Variants in CCDC91 observed in about 807,000 individuals in gnomAD.
CCDC91 encodes the protein coiled-coil domain containing 91, also known as coiled-coil domain-containing protein 91.
A neutral mutation model predicts 63.2 loss-of-function variants in CCDC91; 48 were observed. The observed-to-expected ratio is 0.76, with a 90% CI of 0.60 to 0.97. The LOEUF (loss-of-function observed/expected upper bound fraction) is 0.97. Ranked by LOEUF, CCDC91 falls within the 50% of genes least tolerant of loss-of-function variation. The pLI, the probability that CCDC91 is intolerant of heterozygous loss-of-function variation, is 0.00. For missense variants in CCDC91, 500 were observed against 494.6 expected, an observed-to-expected ratio of 1.01 and a Z score of -0.10; for synonymous variants, 167 against 165.8, an observed-to-expected ratio of 1.01 and a Z score of -0.06.
chr12:28,406,895 T>C (rs1946988425), intron 8 of CCDC91, among the ~76,000 whole-genome samples: 1 of 152,146 alleles, frequency 6.6e-6, no homozygotes, highest in Non-Finnish European at 1.5e-5. Flanking sequence ...CTTTTGTACA[T>C]GACATGGTTT....
rs529535486 is a variant in CCDC91, at chr12:28,393,025, T to G, written c.762+1614T>G. Reference sequence around the variant, plus strand: ...AACTTTAAAATCTCACTGGATAGATTAAATAAGAGCCTCTGCCCACGAGTA... The same window carrying G: ...AACTTTAAAATCTCACTGGATAGATGAAATAAGAGCCTCTGCCCACGAGTA... On this transcript the variant is annotated intron_variant, in intron 8 of 12. Coordinates refer to ENST00000536442, the MANE Select transcript of CCDC91 (RefSeq NM_018318.5). Among the ~76,000 whole-genome samples, 5 of 152,350 alleles carry G rather than the reference T, an allele frequency of 3.3e-5. No homozygotes were observed. In the East Asian group the frequency reaches 5.8e-4, roughly 18 times the overall value.
At position 28,335,799 on chromosome 12, in the gene CCDC91, T is replaced by C. The variant is rs535301009; in HGVS notation, c.577-26639T>C. On this transcript the variant is annotated intron_variant, in intron 6 of 12. Coordinates refer to ENST00000536442, the MANE Select transcript of CCDC91 (RefSeq NM_018318.5). ...GGCAAACATTCTTATCTCCCCTTTT[T>C]TTCTCATTATTTTTGTCTTTTTAGA... Among the ~76,000 whole-genome samples the C allele has an allele frequency of 8.3e-4, 126 of 152,268 alleles. 3 individuals are homozygous for C. Among genetic ancestry groups the C allele is most frequent in the African/African-American group, 2.9e-3 (119 of 41,558 alleles).
At chr12:28,343,471 C>T (rs1592370103) in intron 6 of CCDC91, among the ~76,000 whole-genome samples, 1 of 152,068 alleles carries the variant, frequency 6.6e-6, no homozygotes, top group East Asian at 1.9e-4. Flanking sequence ...TTCAGGTCAC[C>T]TCACCTTTTA....
At chr12:28,387,161 G>A (rs1447126205) in intron 7 of CCDC91, among the ~76,000 whole-genome samples, 1 of 152,162 alleles carries the variant, frequency 6.6e-6, no homozygotes, top group African/African-American at 2.4e-5. Context: ...GTATCAATGT[G>A]TATTTGTATA....
At chr12:28,502,738 T>G (rs984678768) in intron 12 of CCDC91, among the ~76,000 whole-genome samples, 1 of 151,070 alleles carries the variant, frequency 6.6e-6, no homozygotes, top group African/African-American at 2.4e-5. Flanking sequence ...AACAGAGATA[T>G]AGATCAATGG....
chr12:28,286,171 A>G (rs1368048463), intron 3 of CCDC91, among the ~76,000 whole-genome samples: 1 of 151,192 alleles, frequency 6.6e-6, no homozygotes, highest in Non-Finnish European at 1.5e-5. Flanking sequence ...TTTTTTTCTT[A>G]TCTAAGTTAT....
At chr12:28,463,180 A>G (rs9805012) in intron 11 of CCDC91, among the ~76,000 whole-genome samples, 5 of 152,224 alleles carry the variant, frequency 3.3e-5, no homozygotes, top group African/African-American at 9.6e-5. Context: ...AGATCGAGTG[A>G]AATATTACAA....
chr12:28,297,333 C>T (rs1336511487), intron 3 of CCDC91, among the ~76,000 whole-genome samples: 4 of 151,884 alleles, frequency 2.6e-5, no homozygotes, highest in South Asian at 4.1e-4. Context: ...CTTGGTGCTC[C>T]TTCGCCTGTG....
chr12:28,319,731 T>C (rs1940286128), intron 6 of CCDC91, among the ~76,000 whole-genome samples: 1 of 151,650 alleles, frequency 6.6e-6, no homozygotes, highest in Admixed American at 6.6e-5. Context: ...CTATATATGT[T>C]CAAGGTTAGT....
intron 11 of CCDC91, among the ~76,000 whole-genome samples, chr12:28,482,148 TA>T (rs1391726978): frequency 6.6e-6 from 1 of 151,948 alleles, no homozygotes; most frequent in East Asian, 1.9e-4. Flanking sequence ...ACTACAGAAG[TA>T]TTAACATGTT....
intron 8 of CCDC91, among the ~76,000 whole-genome samples, chr12:28,434,105 A>AT (rs975807969): frequency 4.6e-5 from 7 of 151,388 alleles, no homozygotes; most frequent in African/African-American, 1.5e-4. Context: ...ATTCTTTGGG[A>AT]TTTTTTATAT....
intron 6 of CCDC91, among the ~76,000 whole-genome samples, chr12:28,334,129 GT>G (rs978599071): frequency 2.0e-5 from 3 of 151,830 alleles, no homozygotes; most frequent in Non-Finnish European, 2.9e-5. Context: ...GGGTTTATGA[GT>G]TTTATTTGTT....
intron 1 of CCDC91, among the ~76,000 whole-genome samples, chr12:28,215,412 T>C (rs574762003): frequency 3.9e-5 from 6 of 152,164 alleles, no homozygotes; most frequent in Non-Finnish European, 5.9e-5. Context: ...CTGATTAATA[T>C]GCTTACCAAA....
Position 28,289,893 on chromosome 12 carries a change from C to T in CCDC91, c.110-15756C>T, listed in dbSNP as rs184940311. Among the ~76,000 whole-genome samples, 52 of 151,776 alleles carry T rather than the reference C, an allele frequency of 3.4e-4. No individual in the cohort carries two copies. The East Asian group carries it at 9.1e-3, about 27-fold the overall frequency. On this transcript the variant is annotated intron_variant, in intron 3 of 12. Transcript: ENST00000536442. ...TTTTTTATTAGAGACAGGGTTTCACCGTGTTAGCCAGGATGGTCTCGATCT... is the reference window on the plus strand; with the variant it reads ...TTTTTTATTAGAGACAGGGTTTCACTGTGTTAGCCAGGATGGTCTCGATCT...
chr12:28,390,875 G>A (rs190345404), intron 7 of CCDC91, among the ~76,000 whole-genome samples: 266 of 151,888 alleles, frequency 1.8e-3, no homozygotes, highest in Middle Eastern at 3.4e-3. Context: ...GTGCCGAGAG[G>A]ATGTGGAGTT....
At chr12:28,450,328 C>CT in intron 9 of CCDC91, 22 bp from the exon 10 acceptor site, 1 of 1,605,382 alleles carries the variant, frequency 6.2e-7, no homozygotes, top group Non-Finnish European at 8.5e-7. Flanking sequence ...AATGTCTTTC[C>CT]AACTGTTTTA....
chr12:28,525,942 G>A (rs528547541), intron 12 of CCDC91, among the ~76,000 whole-genome samples: 57 of 152,148 alleles, frequency 3.7e-4, no homozygotes, highest in African/African-American at 1.3e-3. Context: ...CCATTTGCAT[G>A]GAATGTTGTT....
chr12:28,235,718 A>G (rs1034727774), intron 1 of CCDC91, among the ~76,000 whole-genome samples: 12 of 152,090 alleles, frequency 7.9e-5, no homozygotes, highest in African/African-American at 2.9e-4. Context: ...AGACTACAGT[A>G]TGAGATAATT....
chr12:28,506,386 A>G (rs930905080), intron 12 of CCDC91, among the ~76,000 whole-genome samples: 3 of 151,968 alleles, frequency 2.0e-5, no homozygotes, highest in African/African-American at 7.2e-5. Flanking sequence ...TCCACTGACT[A>G]TGTAAATTCC....
Sources: gnomAD v4.1 joint callset for allele counts (sites outside exome capture counted in the v4.1 genomes callset) on GRCh38, gnomAD v4.1.1 for gene constraint, MANE v1.5 for transcripts, NCBI Gene and HGNC (gene_info 2026-07-23, HGNC 2026-07-21) for gene names.